The following DCTD variants were observed in gnomAD, a reference collection of about 807,000 sequenced individuals.
DCTD encodes the protein deoxycytidylate deaminase.
A neutral mutation model predicts 21.0 loss-of-function variants in DCTD; 23 were observed. The ratio of observed to expected loss-of-function variants is 1.09; its 90% CI spans 0.79 to 1.55. The LOEUF (loss-of-function observed/expected upper bound fraction) is 1.55. DCTD is among the 40% of genes most tolerant of loss of function. The pLI is 0.00. For missense variants in DCTD, 224 were observed against 230.0 expected (o/e 0.97, Z 0.17); for synonymous variants, 71 against 81.1 (o/e 0.88, Z 0.67).
intron 3 of DCTD, among the ~76,000 whole-genome samples, chr4:182,896,389 T>C (rs1734733994): frequency 6.6e-6 from 1 of 152,244 alleles, no homozygotes; most frequent in South Asian, 2.1e-4. Context: ...TGTCTACAAA[T>C]TCCATGTTTT....
intron 3 of DCTD, among the ~76,000 whole-genome samples, chr4:182,910,946 A>T (rs1013967440): frequency 7.2e-5 from 11 of 152,324 alleles, no homozygotes; most frequent in Middle Eastern, 3.4e-3. Flanking sequence ...CTTCCGACTT[A>T]CGGAATTAAT....
At position 182,915,803 on chromosome 4, in the gene DCTD, C is replaced by T. The variant is rs1022764426; in HGVS notation, c.-7-228G>A. The stretch of plus-strand genomic sequence containing the variant: ...TTTGAATTTGAAACCTATAGCTTCA[C>T]GTTCCCAAATATTTCATCTATTTAC... On this transcript the variant is annotated intron_variant, in intron 1 of 5. Coordinates refer to ENST00000438320, the MANE Select transcript of DCTD (RefSeq NM_001921.3). 2.8e-5 allele frequency: 29 copies of T among 1,053,862 alleles called. No individual in the cohort carries two copies. In the South Asian group the frequency reaches 4.0e-4, roughly 14 times the overall value. The allele number at this position is 1,053,862 out of a possible 1,614,324, so 65.3% of individuals were successfully genotyped here.
At chr4:182,916,216 T>C (rs1738701162) in intron 1 of DCTD, 1 of 209,996 alleles carries the variant, frequency 4.8e-6, no homozygotes, top group African/African-American at 2.4e-5. Flanking sequence ...GAGTAATGAA[T>C]TACATGAGAA....
At chr4:182,909,514 C>A (rs1021864746) in intron 3 of DCTD, among the ~76,000 whole-genome samples, 1 of 152,196 alleles carries the variant, frequency 6.6e-6, no homozygotes, top group African/African-American at 2.4e-5. Flanking sequence ...GGAGGAGCGG[C>A]AGGAAGCTTT....
At chr4:182,902,966 A>T (rs748402702) in intron 3 of DCTD, among the ~76,000 whole-genome samples, 5 of 152,322 alleles carry the variant, frequency 3.3e-5, no homozygotes, top group Non-Finnish European at 7.4e-5. Flanking sequence ...ATGTATGTGG[A>T]TTACAAATGT....
intron 3 of DCTD, among the ~76,000 whole-genome samples, chr4:182,906,639 T>G (rs1229394119): frequency 6.6e-6 from 1 of 152,238 alleles, no homozygotes; most frequent in Non-Finnish European, 1.5e-5. Context: ...AGTACTTATT[T>G]TAATTCCTAA....
chr4:182,908,491 G>C (rs1241192534), intron 3 of DCTD, among the ~76,000 whole-genome samples: 1 of 152,024 alleles, frequency 6.6e-6, no homozygotes, highest in African/African-American at 2.4e-5. Context: ...AGACCAGCCT[G>C]GCCAACATGG....
chr4:182,892,415 C>T (rs1439746746), intron 5 of DCTD, among the ~76,000 whole-genome samples: 2 of 152,278 alleles, frequency 1.3e-5, no homozygotes, highest in African/African-American at 4.8e-5. Flanking sequence ...CACCTGTAAT[C>T]CCAGCACTTT....
chr4:182,906,856 A>C (rs909429777), intron 3 of DCTD, among the ~76,000 whole-genome samples: 1 of 152,190 alleles, frequency 6.6e-6, no homozygotes, highest in Non-Finnish European at 1.5e-5. Context: ...CACCTCCACT[A>C]ATTGGTTGGC....
intron 3 of DCTD, among the ~76,000 whole-genome samples, chr4:182,914,254 C>T (rs1176285047): frequency 6.6e-6 from 1 of 152,206 alleles, no homozygotes; most frequent in Non-Finnish European, 1.5e-5. Flanking sequence ...GTGATCTGCC[C>T]GTCTCCACCT....
intron 3 of DCTD, among the ~76,000 whole-genome samples, chr4:182,910,393 T>C (rs1292185359): frequency 6.6e-6 from 1 of 152,194 alleles, no homozygotes; most frequent in Non-Finnish European, 1.5e-5. Flanking sequence ...AAGAGTGATA[T>C]CTGAATCACC....
chr4:182,901,873 G>A (rs1008136010), intron 3 of DCTD, among the ~76,000 whole-genome samples: 2 of 151,828 alleles, frequency 1.3e-5, no homozygotes, highest in Non-Finnish European at 2.9e-5. Context: ...TAGGGCCTGA[G>A]TGCTTTTACT....
chr4:182,913,158 A>G (rs1229350732), intron 3 of DCTD, among the ~76,000 whole-genome samples: 1 of 152,242 alleles, frequency 6.6e-6, no homozygotes, highest in African/African-American at 2.4e-5. Context: ...TCAAAAGCTT[A>G]TAGAATCAAA....
chr4:182,890,871 T>C lies in DCTD; in HGVS notation c.*528A>G, dbSNP rs1579640604. 6.6e-6 allele frequency: 1 copy of C among 152,430 alleles called. No individual in the cohort carries two copies. The highest frequency in any genetic ancestry group is 1.9e-4 in the East Asian group (1 of 5,186). The allele number at this position is 152,430 out of a possible 1,614,324, so 9.4% of individuals were successfully genotyped here. A position where few individuals can be genotyped will look rare whatever the true frequency, so the allele number is the denominator to read the frequency against. On this transcript the variant is annotated 3_prime_UTR_variant, in exon 6 of 6. Coordinates refer to ENST00000438320, the MANE Select transcript of DCTD (RefSeq NM_001921.3). The stretch of plus-strand genomic sequence containing the variant: ...CGGATTCCGGGAGGGTGGCTGGGGG[T>C]TTCCCTCAACTCTGCAGCAAACACT...
At chr4:182,906,369 T>C (rs13106308) in intron 3 of DCTD, among the ~76,000 whole-genome samples, 9,211 of 152,182 alleles carry the variant, frequency 0.061, 322 homozygotes, top group South Asian at 0.1. Flanking sequence ...TCCTCCACAA[T>C]TAGTCTGCAA....
intron 3 of DCTD, among the ~76,000 whole-genome samples, chr4:182,899,399 C>CTTTTTTTTTTTTTTTTT (rs548073020): frequency 6.9e-6 from 1 of 144,328 alleles, no homozygotes; most frequent in Non-Finnish European, 1.5e-5. Flanking sequence ...CCTTTTTTTT[C>CTTTTTTTTTTTTTTTTT]TTTTTCTTTT....
intron 3 of DCTD, among the ~76,000 whole-genome samples, chr4:182,905,273 C>T (rs1736468189): frequency 2.0e-5 from 3 of 151,260 alleles, no homozygotes; most frequent in Admixed American, 6.6e-5. Context: ...CCCATGAACA[C>T]TTTTAATCTT....
At chr4:182,892,564 G>A (rs1397480090) in intron 5 of DCTD, among the ~76,000 whole-genome samples, 2 of 152,088 alleles carry the variant, frequency 1.3e-5, no homozygotes, top group African/African-American at 2.4e-5. Context: ...GAGAAGCGGA[G>A]GTTGCAGTGA....
chr4:182,906,179 T>C (rs1390006760), intron 3 of DCTD, among the ~76,000 whole-genome samples: 1 of 151,808 alleles, frequency 6.6e-6, no homozygotes, highest in Non-Finnish European at 1.5e-5. Flanking sequence ...ACAAATATCA[T>C]AAATTTGTAG....
Sources: gnomAD v4.1 joint callset for allele counts (sites outside exome capture counted in the v4.1 genomes callset) on GRCh38, gnomAD v4.1.1 for gene constraint, MANE v1.5 for transcripts, NCBI Gene and HGNC (gene_info 2026-07-23, HGNC 2026-07-21) for gene names.